The following BANP variants were observed in gnomAD, a reference collection of about 807,000 sequenced individuals.
BANP encodes protein BANP.
BANP carries 11 observed loss-of-function variants against 68.1 expected under a neutral mutation model. That is an observed-to-expected ratio of 0.16 (90% CI 0.10 to 0.27). The LOEUF (loss-of-function observed/expected upper bound fraction) is 0.27, where lower values mean the gene tolerates loss of function less well. BANP is among the 10% of genes least tolerant of loss of function. The pLI, the probability that BANP is intolerant of heterozygous loss-of-function variation, is 1.00. For synonymous variants in BANP, 329 were observed against 303.2 expected (o/e 1.09, Z -0.88); for missense variants, 504 against 722.7 (o/e 0.70, Z 3.47).
intron 1 of BANP, among the ~76,000 whole-genome samples, chr16:87,967,404 G>T (rs973068780): frequency 2.0e-5 from 3 of 151,426 alleles, no homozygotes; most frequent in Admixed American, 2.0e-4. Flanking sequence ...CACCACACTC[G>T]GCCGTCAATA....
At position 87,974,358 on chromosome 16, in the gene BANP, C is replaced by T. The variant is rs561674326; in HGVS notation, c.-68-690C>T. 8.0e-4 allele frequency among the ~76,000 whole-genome samples: 121 copies of T among 152,146 alleles called. 4 individuals carry two copies. Among genetic ancestry groups the T allele is most frequent in the South Asian group, 6.2e-4 (3 of 4,828 alleles). On this transcript the variant is annotated intron_variant, in intron 1 of 13. Coordinates refer to ENST00000682872, the MANE Select transcript of BANP (RefSeq NM_001386991.1). ...CCCTGACTGTGTTTCAGACACTGTG[C>T]GAGGCTCGGGGACAGCCCCGCCCTG...
chr16:88,031,318 A>C (rs1201077640), intron 8 of BANP, among the ~76,000 whole-genome samples: 1 of 152,220 alleles, frequency 6.6e-6, no homozygotes, highest in African/African-American at 2.4e-5. Context: ...TAGTGTAGCT[A>C]GGCAATTTCT....
chr16:88,038,690 G>A (rs1292361076), intron 11 of BANP, among the ~76,000 whole-genome samples: 2 of 152,150 alleles, frequency 1.3e-5, no homozygotes, highest in Non-Finnish European at 2.9e-5. Context: ...GACGTGCTCC[G>A]ACGGTGCGGG....
intron 11 of BANP, among the ~76,000 whole-genome samples, chr16:88,058,448 G>A (rs1435940275): frequency 6.6e-6 from 1 of 152,174 alleles, no homozygotes; most frequent in African/African-American, 2.4e-5. Context: ...CAGTTCCACG[G>A]CAGTGCTGTG....
chr16:88,071,885 C>G lies in BANP; in HGVS notation c.1378-184C>G, dbSNP rs762267591. The G allele has an allele frequency of 1.3e-6, 1 of 789,092 alleles. No homozygotes were observed. Among genetic ancestry groups the G allele is most frequent in the Non-Finnish European group, 2.1e-6 (1 of 466,484 alleles). The allele number at this position is 789,092 out of a possible 1,614,324, so 48.9% of individuals were successfully genotyped here. Reference sequence around the variant, plus strand: ...TGGCACTCTCTCACTGGATCTGATGCGACTTGAGAGCGATGGGGAGACAGG... The same window carrying G: ...TGGCACTCTCTCACTGGATCTGATGGGACTTGAGAGCGATGGGGAGACAGG... On this transcript the variant is annotated intron_variant, in intron 12 of 13. Coordinates refer to ENST00000682872, the MANE Select transcript of BANP (RefSeq NM_001386991.1). The surrounding 1 kb of genome is among the most constrained non-coding windows in gnomAD (Gnocchi z 6.5).
rs1378775789 is a variant in BANP at position 87,987,763 on chromosome 16, C to T, written c.362+3504C>T. Among the ~76,000 whole-genome samples the T allele has an allele frequency of 9.2e-5, 11 of 119,626 alleles. No homozygotes were observed. In the Admixed American group the frequency reaches 9.6e-4, roughly 10 times the overall value. 78.5% of individuals were successfully genotyped at this position (119,626 alleles called of 152,430 possible). Reference sequence around the variant, plus strand: ...AAGGATGTTATTATGTCTGACATTTCTTTCCATGTAAGTTCTTTTTAAAAG... The same window carrying T: ...AAGGATGTTATTATGTCTGACATTTTTTTCCATGTAAGTTCTTTTTAAAAG... On this transcript the variant is annotated intron_variant, in intron 4 of 13. Transcript: ENST00000682872.
Position 88,047,803 on chromosome 16 carries a change from C to T in BANP, c.1311+9792C>T, listed in dbSNP as rs550502612. Among the ~76,000 whole-genome samples, 8 of 152,328 alleles carry T rather than the reference C, an allele frequency of 5.3e-5. No individual in the cohort carries two copies. The South Asian group carries it at 1.2e-3, about 24-fold the overall frequency. ...GAATGTGGTACATAGTGAACTCCTT[C>T]CTATGTTTGGTGTACTTGGCAGTAA... On this transcript the variant is annotated intron_variant, in intron 11 of 13. Transcript: ENST00000682872.
chr16:87,985,426 C>T lies in BANP; in HGVS notation c.362+1167C>T, dbSNP rs187111403. 3.1e-3 allele frequency among the ~76,000 whole-genome samples: 478 copies of T among 152,264 alleles called. 1 individual carries two copies. The highest frequency in any genetic ancestry group is 0.011 in the African/African-American group (456 of 41,558). Reference sequence around the variant, plus strand: ...CTCCCCCCAGCAGGAGTTTGTTTACCGTGTCCTCTGTGCAGGGACGCTGTT... The same window carrying T: ...CTCCCCCCAGCAGGAGTTTGTTTACTGTGTCCTCTGTGCAGGGACGCTGTT... On this transcript the variant is annotated intron_variant, in intron 4 of 13. Coordinates refer to ENST00000682872, the MANE Select transcript of BANP (RefSeq NM_001386991.1).
At chr16:88,044,722 G>A (rs1218061069) in intron 11 of BANP, among the ~76,000 whole-genome samples, 2 of 152,202 alleles carry the variant, frequency 1.3e-5, no homozygotes, top group African/African-American at 4.8e-5. Flanking sequence ...GGTGGCTCAC[G>A]CCTGTAATCC....
At chr16:87,974,951 C>T (rs544874692) in intron 1 of BANP, 97 bp from the exon 2 acceptor site, 18 of 607,504 alleles carry the variant, frequency 3.0e-5, no homozygotes, top group East Asian at 5.5e-5. Flanking sequence ...CAGACGTTCG[C>T]GGCCTCTTGC....
At chr16:88,055,428 G>A (rs986789862) in intron 11 of BANP, among the ~76,000 whole-genome samples, 5 of 152,190 alleles carry the variant, frequency 3.3e-5, no homozygotes, top group Admixed American at 6.5e-5. Context: ...TTCAGCTGAC[G>A]GCAGGCTTGG....
intron 12 of BANP, among the ~76,000 whole-genome samples, chr16:88,066,437 T>TGAA (rs2088635581): frequency 6.6e-6 from 1 of 152,092 alleles, no homozygotes; most frequent in Non-Finnish European, 1.5e-5. Context: ...GGCCACCTGG[T>TGAA]GAAGGGCCTC....
chr16:87,994,371 A>G (rs4843772), intron 4 of BANP, among the ~76,000 whole-genome samples: 98,721 of 152,206 alleles, frequency 0.65, 32,556 homozygotes, highest in African/African-American at 0.74. Context: ...GTTGGAGCAC[A>G]AGCATGGCTC....
chr16:88,010,043 G>C (rs1567740434), intron 6 of BANP, among the ~76,000 whole-genome samples: 1 of 152,214 alleles, frequency 6.6e-6, no homozygotes, highest in African/African-American at 2.4e-5. Flanking sequence ...GTTGAAAGCA[G>C]GGAACAGTAG....
In BANP at chr16:88,071,447, T is replaced by A. The variant is rs11117358; in HGVS notation, c.1378-622T>A. 0.24 allele frequency: 110,693 copies of A among 456,044 alleles called. 13,921 individuals carry two copies. The highest frequency in any genetic ancestry group is 0.28 in the South Asian group (17,814 of 64,544). 28.2% of individuals were successfully genotyped at this position (456,044 alleles called of 1,614,324 possible). ...TCGCCTGTCCCCCATTCTCATTCCA[T>A]ACTCTGGGAGGCGGTACAAGGTCGG... On this transcript the variant is annotated intron_variant, in intron 12 of 13. Transcript: ENST00000682872. This position sits in a 1 kb window ranked among gnomAD's most constrained non-coding sequence, Gnocchi z 6.5.
rs1469803253 is a variant in BANP at position 88,002,364 on chromosome 16, G to A, written c.363-1931G>A. ...CTTACCAAGGGCTTTCTAGTCAGCC[G>A]GTGAGGTGCTGGTTTTGTCACGCCC... is the stretch of plus-strand genomic sequence containing the variant. On this transcript the variant is annotated intron_variant, in intron 4 of 13. Transcript: ENST00000682872. The surrounding 1 kb of genome is among the most constrained non-coding windows in gnomAD (Gnocchi z 4.6). 6.6e-6 allele frequency among the ~76,000 whole-genome samples: 1 copy of A among 152,264 alleles called. No individual in the cohort carries two copies. Among genetic ancestry groups the A allele is most frequent in the Middle Eastern group, 3.4e-3 (1 of 294 alleles).
chr16:88,075,774 T>A (rs1187189560), intron 13 of BANP, among the ~76,000 whole-genome samples: 1 of 136,570 alleles, frequency 7.3e-6, no homozygotes. Context: ...TGAGATGGAG[T>A]CTGGCTCTGT....
At chr16:87,973,014 G>A (rs2061398455) in intron 1 of BANP, among the ~76,000 whole-genome samples, 1 of 151,842 alleles carries the variant, frequency 6.6e-6, no homozygotes, top group Admixed American at 6.6e-5. Flanking sequence ...CTGACCTTGT[G>A]GCTTCCAGTG....
At chr16:88,067,058 T>C (rs1342488175) in intron 12 of BANP, among the ~76,000 whole-genome samples, 1 of 152,008 alleles carries the variant, frequency 6.6e-6, no homozygotes, top group African/African-American at 2.4e-5. Flanking sequence ...GAATGCACAC[T>C]CGCTCTCTTT....
Sources: allele counts gnomAD v4.1 joint callset (sites outside exome capture counted in the v4.1 genomes callset), GRCh38; gene constraint gnomAD v4.1.1; non-coding constraint Gnocchi (gnomAD v3.1); transcripts MANE v1.5; gene names NCBI Gene and HGNC (gene_info 2026-07-23, HGNC 2026-07-21).